Variants in ALG13 observed in about 807,000 individuals in gnomAD.
ALG13 encodes the protein ALG13 UDP-N-acetylglucosaminyltransferase subunit.
Under a neutral mutation model 87.8 loss-of-function variants are expected in ALG13, and 11 were observed. That is an observed-to-expected ratio of 0.13 (90% CI 0.08 to 0.21). ALG13 has a LOEUF of 0.21. Ranked by LOEUF, ALG13 falls within the 10% of genes least tolerant of loss-of-function variation. ALG13 has a pLI of 1.00. For missense variants in ALG13, 756 were observed against 866.1 expected, an observed-to-expected ratio of 0.87 and a Z score of 1.60; for synonymous variants, 320 against 306.3, an observed-to-expected ratio of 1.04 and a Z score of -0.47.
chrX:111,750,789 T>A (rs1486443838), intron 24 of ALG13, among the ~76,000 whole-genome samples: 1 of 110,051 alleles, frequency 9.1e-6, no homozygotes, highest in Non-Finnish European at 1.9e-5. Context: ...TGCCTCAGCC[T>A]CCCAAGTAGC....
At chrX:111,735,876 T>C (rs1041429586) in intron 22 of ALG13, among the ~76,000 whole-genome samples, 2 of 110,563 alleles carry the variant, frequency 1.8e-5, no homozygotes, top group Non-Finnish European at 3.8e-5. Flanking sequence ...TGAATATCTT[T>C]CTGTGCACAG....
At chrX:111,754,048 A>T (rs183921078) in intron 25 of ALG13, among the ~76,000 whole-genome samples, 24 of 112,069 alleles carry the variant, frequency 2.1e-4, no homozygotes, top group African/African-American at 7.5e-4. Context: ...AACCGAATCC[A>T]GCAGCACATT....
At chrX:111,707,738 G>A (rs777480851) in intron 3 of ALG13, among the ~76,000 whole-genome samples, 74 of 111,805 alleles carry the variant, frequency 6.6e-4, no homozygotes, top group African/African-American at 2.3e-3. Flanking sequence ...TTCAAGCAAT[G>A]TAATGTGGAC....
At chrX:111,697,418 C>T (rs746036960) in intron 3 of ALG13, among the ~76,000 whole-genome samples, 71 of 111,659 alleles carry the variant, frequency 6.4e-4, no homozygotes, top group African/African-American at 2.2e-3. Context: ...ATCATCATCA[C>T]CTGGGAACTT....
In ALG13 at chrX:111,744,796, C is replaced by T. The variant is rs1944087453; in HGVS notation, c.2824C>T (p.Pro942Ser). 8.8e-7 allele frequency: 1 copy of T among 1,130,347 alleles called. No individual in the cohort carries two copies. Among genetic ancestry groups the T allele is most frequent in the Non-Finnish European group, 1.2e-6 (1 of 850,803 alleles). 93.2% of individuals were successfully genotyped at this position (1,130,347 alleles called of 1,213,427 possible). ...TCCTCCTCCTCCTCCTCCTCCTCCTCCTCCTCCTCCTGCTCTTGATGTGGG... is the reference window on the plus strand; with the variant it reads ...TCCTCCTCCTCCTCCTCCTCCTCCTTCTCCTCCTCCTGCTCTTGATGTGGG... ...PPPPPPPPPPPPPPALDVGET... is the reference protein window; with the variant it reads ...PPPPPPPPPPSPPPALDVGET... The change falls in exon 24 of 27, where the codon CCT (proline) becomes TCT (serine). Residue 942 changes from proline to serine, a missense_variant. Coordinates refer to ENST00000394780, the MANE Select transcript of ALG13 (RefSeq NM_001099922.3).
intron 5 of ALG13, among the ~76,000 whole-genome samples, chrX:111,709,275 C>T (rs1020835528): frequency 1.8e-5 from 2 of 112,106 alleles, no homozygotes; most frequent in Non-Finnish European, 3.8e-5. Flanking sequence ...CATTTTCCCA[C>T]TACTTACCTC....
rs1933589305 is a variant in ALG13 at position 111,682,143 on chromosome X, C to G, written c.93C>G (p.Ser31Arg). 1 of 1,179,468 alleles carries G rather than the reference C, an allele frequency of 8.5e-7. No individual in the cohort carries two copies. Among genetic ancestry groups the G allele is most frequent in the South Asian group, 1.9e-5 (1 of 51,363 alleles). The change falls in exon 2 of 27, where the codon AGC becomes AGG. Residue 31 changes from serine (S) to arginine (R), a missense_variant. Coordinates refer to ENST00000394780, the MANE Select transcript of ALG13 (RefSeq NM_001099922.3). ...ATTTCCTCTTTCAGAAAATCGAGAGCCTTGGTTACAACCGACTTATCCTGC... is the reference window on the plus strand; with the variant it reads ...ATTTCCTCTTTCAGAAAATCGAGAGGCTTGGTTACAACCGACTTATCCTGC... ...SAPDSLQKIE[S>R]LGYNRLILQI...
At chrX:111,738,806 G>T (rs977780744) in intron 23 of ALG13, among the ~76,000 whole-genome samples, 1 of 106,152 alleles carries the variant, frequency 9.4e-6, no homozygotes, top group African/African-American at 3.5e-5. Context: ...CAAAGTGCTG[G>T]GATTACAGGC....
At chrX:111,705,555 TCTC>T (rs1391000585) in intron 3 of ALG13, among the ~76,000 whole-genome samples, 1 of 111,764 alleles carries the variant, frequency 8.9e-6, no homozygotes, top group Non-Finnish European at 1.9e-5. Context: ...TTAAAGATTT[TCTC>T]CTATGTTTTA....
chrX:111,681,523 C>G, intron 1 of ALG13: 1 of 989,849 alleles, frequency 1.0e-6, no homozygotes. Flanking sequence ...CCCATTATTC[C>G]GGCCGCTCCT....
At chrX:111,744,550 C>CA in intron 23 of ALG13, 118 bp from the exon 24 acceptor site, 1 of 847,509 alleles carries the variant, frequency 1.2e-6, no homozygotes, top group Non-Finnish European at 1.7e-6. Context: ...TTTTTATACC[C>CA]AAACCTTAAG....
At chrX:111,689,593 C>T (rs771987402) in intron 3 of ALG13, 12 of 751,972 alleles carry the variant, frequency 1.6e-5, no homozygotes, top group African/African-American at 2.3e-5. Context: ...AATTTTGTAT[C>T]GATTTTGGAT....
intron 26 of ALG13, among the ~76,000 whole-genome samples, chrX:111,759,189 A>G (rs1030113737): frequency 9.4e-6 from 1 of 106,745 alleles, no homozygotes; most frequent in Non-Finnish European, 1.9e-5. Flanking sequence ...CATTATAGCA[A>G]GGTTAAAACA....
At chrX:111,691,089 CATTTATTT>C (rs776556803) in intron 3 of ALG13, among the ~76,000 whole-genome samples, 3 of 110,253 alleles carry the variant, frequency 2.7e-5, no homozygotes, top group Admixed American at 9.7e-5. Flanking sequence ...CATGTAATAC[CATTTATTT>C]ATTTATTTAT....
intron 22 of ALG13, among the ~76,000 whole-genome samples, chrX:111,735,972 G>A (rs1247292889): frequency 5.4e-5 from 6 of 110,962 alleles, no homozygotes; most frequent in African/African-American, 1.6e-4. Context: ...GTCTTACAAT[G>A]TTATAAAAAA....
At chrX:111,709,087 G>A in intron 5 of ALG13, 39 bp downstream of exon 5, 1 of 854,569 alleles carries the variant, frequency 1.2e-6, no homozygotes, top group Non-Finnish European at 1.6e-6. Context: ...CTGGTAGAGT[G>A]TGTAGCAGGT....
chrX:111,704,062 G>A (rs1407799853), intron 3 of ALG13, among the ~76,000 whole-genome samples: 1 of 111,867 alleles, frequency 8.9e-6, no homozygotes, highest in Admixed American at 9.5e-5. Context: ...GTATGCAGTA[G>A]TATCTCATTA....
intron 3 of ALG13, among the ~76,000 whole-genome samples, chrX:111,685,544 A>C (rs1934710422): frequency 8.9e-6 from 1 of 112,476 alleles, no homozygotes; most frequent in African/African-American, 3.2e-5. Context: ...CCAATATATA[A>C]AAGGCACTGT....
At chrX:111,718,647 C>T (rs1178088041) in intron 10 of ALG13, among the ~76,000 whole-genome samples, 1 of 111,906 alleles carries the variant, frequency 8.9e-6, no homozygotes, top group Admixed American at 9.5e-5. Context: ...AACAAGTGTG[C>T]CTAAGCATTC....
Sources: allele counts gnomAD v4.1 joint callset (sites outside exome capture counted in the v4.1 genomes callset), GRCh38; gene constraint gnomAD v4.1.1; transcripts MANE v1.5; gene names NCBI Gene and HGNC (gene_info 2026-07-23, HGNC 2026-07-21).